Variants in ADCY6 observed in about 807,000 individuals in gnomAD.
ADCY6 encodes adenylate cyclase type 6.
Under a neutral mutation model 111.6 loss-of-function variants are expected in ADCY6, and 59 were observed. The ratio of observed to expected loss-of-function variants is 0.53; its 90% CI spans 0.43 to 0.66. The LOEUF is 0.66. Among genes scored for constraint, ADCY6 ranks in the 30% least tolerant of loss-of-function variants. The pLI, the probability that ADCY6 is intolerant of heterozygous loss-of-function variation, is 0.00. For synonymous variants in ADCY6, 576 were observed against 642.9 expected, an observed-to-expected ratio of 0.90 and a Z score of 1.57; for missense variants, 1,242 against 1,595.6, an observed-to-expected ratio of 0.78 and a Z score of 3.78.
intron 1 of ADCY6, among the ~76,000 whole-genome samples, chr12:48,787,833 G>C (rs1347458178): frequency 6.6e-6 from 1 of 152,114 alleles, no homozygotes; most frequent in Non-Finnish European, 1.5e-5. Flanking sequence ...GTGCCTCCCA[G>C]ACCTCAAGTC....
rs1941556064 is a variant in ADCY6 at position 48,771,881 on chromosome 12, G to A, written c.2880C>T (p.Phe960=). ...NILPKDVAAH[F]LARERRNDEL... is the part of the protein sequence containing the mutation. ...CATCATTGCGGCGCTCCCGGGCCAG[G>A]AAGTGGGCCGCCACGTCCTTGGGCA... Residue 960 remains phenylalanine, a synonymous_variant, in exon 19 of 22, where the codon TTC becomes TTT. Coordinates refer to ENST00000357869, the MANE Select transcript of ADCY6 (RefSeq NM_015270.5). The surrounding 1 kb of genome is among the most constrained non-coding windows in gnomAD (Gnocchi z 4.3). The A allele has an allele frequency of 1.2e-6, 2 of 1,614,164 alleles. No individual in the cohort carries two copies. The highest frequency in any genetic ancestry group is 1.7e-6 in the Non-Finnish European group (2 of 1,180,044).
At position 48,773,328 on chromosome 12, in the gene ADCY6, C is replaced by A. The variant is rs866370280; in HGVS notation, c.2621+141G>T. ...ACTATTTGGGGTCACATGCTGGGAG[C>A]TCCTCCATCTCCTCCCTTTCCCCCA... On this transcript the variant is annotated intron_variant, in intron 16 of 21. Coordinates refer to ENST00000357869, the MANE Select transcript of ADCY6 (RefSeq NM_015270.5). The A allele has an allele frequency of 1.5e-5, 14 of 913,692 alleles. 2 individuals carry two copies. The Middle Eastern group carries it at 1.9e-3, about 121-fold the overall frequency. 56.6% of individuals were successfully genotyped at this position (913,692 alleles called of 1,614,324 possible).
At chr12:48,773,756 C>A in intron 15 of ADCY6, 109 bp from the exon 16 acceptor site, 1 of 1,480,886 alleles carries the variant, frequency 6.8e-7, no homozygotes. Flanking sequence ...CCACACCCCT[C>A]AAACCCCCAT....
Position 48,768,223 on chromosome 12 carries a change from C to G in ADCY6, c.*368G>C. Reference sequence around the variant, plus strand: ...GGAAAAGAAGGGCTCAGCCCTGAACCTGCTGCCCAGACAGACAGGGAAGGG... The same window carrying G: ...GGAAAAGAAGGGCTCAGCCCTGAACGTGCTGCCCAGACAGACAGGGAAGGG... On this transcript the variant is annotated 3_prime_UTR_variant, in exon 22 of 22. Coordinates refer to ENST00000357869, the MANE Select transcript of ADCY6 (RefSeq NM_015270.5). The G allele has an allele frequency of 2.9e-6, 1 of 345,904 alleles. No individual in the cohort carries two copies. The highest frequency in any genetic ancestry group is 3.0e-5 in the South Asian group (1 of 33,732). The allele number at this position is 345,904 out of a possible 1,614,324, so 21.4% of individuals were successfully genotyped here.
chr12:48,786,582 C>T (rs1941983377), intron 1 of ADCY6, among the ~76,000 whole-genome samples: 1 of 152,112 alleles, frequency 6.6e-6, no homozygotes, highest in Admixed American at 6.5e-5. Context: ...AGGCTGGTCT[C>T]GAACTCCTAA....
At chr12:48,769,556 G>GTAAGCATT (rs1399990607) in intron 20 of ADCY6, among the ~76,000 whole-genome samples, 1 of 150,680 alleles carries the variant, frequency 6.6e-6, no homozygotes, top group East Asian at 1.9e-4. Flanking sequence ...AACCACTCTA[G>GTAAGCATT]TAAGCATTTT....
At position 48,770,791 on chromosome 12, in the gene ADCY6, G is replaced by A; in HGVS notation, c.3231C>T (p.Ser1077=). The A allele has an allele frequency of 6.2e-7, 1 of 1,614,168 alleles. No individual in the cohort carries two copies. Among genetic ancestry groups the A allele is most frequent in the Non-Finnish European group, 8.5e-7 (1 of 1,180,030 alleles). Residue 1077 remains serine (S), a synonymous_variant, in exon 20 of 22, where the codon TCC becomes TCT. Coordinates refer to ENST00000357869, the MANE Select transcript of ADCY6 (RefSeq NM_015270.5). ...CAATCTTCATCTGGAAATTGTTGAA[G>A]GAGTGCTCATTGATGTGCTTCATCT... ...MEQMKHINEH[S]FNNFQMKIGL... is the part of the protein sequence containing the mutation.
chr12:48,774,550 T>C (rs781200368), intron 13 of ADCY6, 32 bp from the exon 14 acceptor site: 31 of 1,603,730 alleles, frequency 1.9e-5, no homozygotes, highest in South Asian at 7.7e-5. Context: ...GAGTTGAAGG[T>C]TGTATCAGCC....
chr12:48,775,796 C>T (rs975114070), intron 9 of ADCY6, 98 bp from the exon 10 acceptor site: 18 of 1,528,054 alleles, frequency 1.2e-5, no homozygotes, highest in Non-Finnish European at 1.3e-5. Flanking sequence ...AGGGTGTCCC[C>T]GTCATATCCT....
At chr12:48,788,492 C>A (rs1942022936) in intron 1 of ADCY6, among the ~76,000 whole-genome samples, 1 of 152,030 alleles carries the variant, frequency 6.6e-6, no homozygotes. Context: ...GAGGGACTCC[C>A]GCAGACAGAG....
At position 48,776,333 on chromosome 12, in the gene ADCY6, C is replaced by G; in HGVS notation, c.1553G>C (p.Arg518Pro). 1.2e-6 allele frequency: 2 copies of G among 1,614,204 alleles called. No individual in the cohort carries two copies. Among genetic ancestry groups the G allele is most frequent in the Non-Finnish European group, 1.7e-6 (2 of 1,180,032 alleles). Residue 518 changes from arginine to proline, a missense_variant, in exon 8 of 22, where the codon CGG becomes CCG. Arg to Pro is a moderately radical substitution (Grantham distance 103). This residue lies in a region of ADCY6 where 260 missense variants were observed against 414.6 expected (regional missense o/e 0.63). Coordinates refer to ENST00000357869, the MANE Select transcript of ADCY6 (RefSeq NM_015270.5). The surrounding 1 kb of genome is among the most constrained non-coding windows in gnomAD (Gnocchi z 6.1). The part of the protein sequence containing the change: ...GGRAGRIHIT[R>P]ATLQYLNGDY... ...CCCGTTCAGGTACTGCAGTGTTGCC[C>G]GAGTGATGTGGATGCGGCTGTATGT...
chr12:48,776,127 G>A lies in ADCY6; in HGVS notation c.1678-36C>T. The A allele has an allele frequency of 6.2e-7, 1 of 1,613,848 alleles. No homozygotes were observed. Among genetic ancestry groups the A allele is most frequent in the Non-Finnish European group, 8.5e-7 (1 of 1,179,874 alleles). ...AGCATGGGTACAGGCTCAGAAGAGG[G>A]GCCCAGAGGAGGCCTTGGCCTGCTC... On this transcript the variant is annotated intron_variant, in intron 8 of 21. Transcript: ENST00000357869. This position sits in a 1 kb window ranked among gnomAD's most constrained non-coding sequence, Gnocchi z 6.1.
At chr12:48,787,743 C>T (rs1487002510) in intron 1 of ADCY6, among the ~76,000 whole-genome samples, 1 of 152,170 alleles carries the variant, frequency 6.6e-6, no homozygotes, top group Admixed American at 6.5e-5. Context: ...CATTTGCACT[C>T]TCACAGATCT....
At chr12:48,784,826 G>C (rs1941950233) in intron 1 of ADCY6, among the ~76,000 whole-genome samples, 1 of 151,994 alleles carries the variant, frequency 6.6e-6, no homozygotes, top group African/African-American at 2.4e-5. Flanking sequence ...ACCATGCCCA[G>C]GGAAATTTTT....
At chr12:48,772,649 G>T in intron 16 of ADCY6, 106 bp from the exon 17 acceptor site, 1 of 1,325,966 alleles carries the variant, frequency 7.5e-7, no homozygotes, top group South Asian at 1.3e-5. Context: ...CATACTGTAA[G>T]TCAGGCATTG....
chr12:48,771,685 C>T lies in ADCY6; in HGVS notation c.3051+25G>A, dbSNP rs1488058304. On this transcript the variant is annotated intron_variant, in intron 19 of 21. Transcript: ENST00000357869. This position sits in a 1 kb window ranked among gnomAD's most constrained non-coding sequence, Gnocchi z 4.3. ...TCTCCAAGTACCCCCCACTCTCTGC[C>T]ACCACCAGCCAACTGGAAAAGTACC... is the stretch of plus-strand genomic sequence containing the variant. The T allele has an allele frequency of 1.2e-6, 2 of 1,613,286 alleles. No homozygotes were observed. Among genetic ancestry groups the T allele is most frequent in the Non-Finnish European group, 8.5e-7 (1 of 1,180,020 alleles).
intron 21 of ADCY6, 94 bp from the exon 22 acceptor site, chr12:48,768,810 C>G: frequency 1.9e-6 from 3 of 1,559,626 alleles, no homozygotes; most frequent in Non-Finnish European, 2.6e-6. Flanking sequence ...AGCTCCCTTC[C>G]CCCAGTCCCT....
At position 48,782,983 on chromosome 12, in the gene ADCY6, C is replaced by CTGCT; in HGVS notation, c.448_451dup (p.Ser151LysfsTer50). The CTGCT allele has an allele frequency of 1.2e-6, 2 of 1,613,746 alleles. No homozygotes were observed. Among genetic ancestry groups the CTGCT allele is most frequent in the Non-Finnish European group, 1.7e-6 (2 of 1,179,918 alleles). ...CAGCACCGCCATCAGCAGCGTCAGGCTGCTCTGGTTCATCTGGAAGAAGTA... is the reference window on the plus strand; with the variant it reads ...CAGCACCGCCATCAGCAGCGTCAGGCTGCTTGCTCTGGTTCATCTGGAAGAAGTA... On this transcript the variant is annotated frameshift_variant, in exon 2 of 22. Transcript: ENST00000357869. LOFTEE classifies it high-confidence loss of function. This position sits in a 1 kb window ranked among gnomAD's most constrained non-coding sequence, Gnocchi z 4.3.
intron 14 of ADCY6, 144 bp from the exon 15 acceptor site, chr12:48,774,242 G>A: frequency 1.9e-6 from 2 of 1,073,718 alleles, no homozygotes; most frequent in East Asian, 2.6e-5. Context: ...ATGACAAGAG[G>A]TTGGGAGAAC....
Sources: allele counts gnomAD v4.1 joint callset (sites outside exome capture counted in the v4.1 genomes callset), GRCh38; gene constraint gnomAD v4.1.1; regional missense constraint gnomAD v4.1.1; non-coding constraint Gnocchi (gnomAD v3.1); transcripts MANE v1.5; gene names NCBI Gene and HGNC (gene_info 2026-07-23, HGNC 2026-07-21).